Variants in VTI1A observed in about 807,000 individuals in gnomAD.
VTI1A encodes the protein vesicle transport through interaction with t-SNAREs 1A, also known as vesicle transport through interaction with t-SNAREs homolog 1A.
VTI1A carries 22 observed loss-of-function variants against 34.9 expected under a neutral mutation model. That is an observed-to-expected ratio of 0.63 (90% CI 0.45 to 0.90). The LOEUF (loss-of-function observed/expected upper bound fraction) is 0.90. VTI1A is among the 40% of genes least tolerant of loss of function. VTI1A has a pLI of 0.00. For synonymous variants in VTI1A, 87 were observed against 97.3 expected (o/e 0.89, Z 0.62); for missense variants, 268 against 275.6 (o/e 0.97, Z 0.20).
rs560550183 is a variant in VTI1A, at chr10:112,564,437, ACTT to A, written c.427+26111_427+26113del. 2.2e-3 allele frequency among the ~76,000 whole-genome samples: 320 copies of A among 148,274 alleles called. 7 individuals are homozygous for A. Among genetic ancestry groups the A allele is most frequent in the Admixed American group, 0.016 (240 of 15,154 alleles). On this transcript the variant is annotated intron_variant, in intron 5 of 7. Transcript: ENST00000393077. ...CAGACTTCTACTGTGTGATTGAAGT[ACTT>A]CTTTAAAAAAAAAAAAACACTCATA...
intron 7 of VTI1A, among the ~76,000 whole-genome samples, chr10:112,699,160 G>T (rs1400953439): frequency 6.6e-6 from 1 of 152,218 alleles, no homozygotes; most frequent in Non-Finnish European, 1.5e-5. Context: ...TTTCAGCATA[G>T]ATGGCAGTTA....
At chr10:112,515,249 C>T (rs190508886) in intron 3 of VTI1A, among the ~76,000 whole-genome samples, 2 of 151,894 alleles carry the variant, frequency 1.3e-5, no homozygotes, top group East Asian at 3.9e-4. Context: ...TATAAAAGAT[C>T]AGAATGAAGA....
intron 5 of VTI1A, among the ~76,000 whole-genome samples, chr10:112,613,784 A>G (rs977239329): frequency 6.6e-6 from 1 of 152,232 alleles, no homozygotes; most frequent in African/African-American, 2.4e-5. Flanking sequence ...TTGCCATGCC[A>G]GGCCAGGGCA....
chr10:112,642,364 CT>C (rs1484997093), intron 5 of VTI1A, among the ~76,000 whole-genome samples: 8 of 152,304 alleles, frequency 5.3e-5, no homozygotes, highest in Admixed American at 2.0e-4. Context: ...TGATCCCCCC[CT>C]CTCCATCAGT....
At chr10:112,774,476 C>A (rs532974739) in intron 7 of VTI1A, among the ~76,000 whole-genome samples, 7 of 152,176 alleles carry the variant, frequency 4.6e-5, no homozygotes, top group Non-Finnish European at 5.9e-5. Flanking sequence ...AGAAGGTGAA[C>A]TCTGAGTCTG....
intron 5 of VTI1A, among the ~76,000 whole-genome samples, chr10:112,628,138 GTCTGTATAGA>G (rs1205254489): frequency 6.6e-6 from 1 of 152,066 alleles, no homozygotes; most frequent in Non-Finnish European, 1.5e-5. Flanking sequence ...CACCTCCAAG[GTCTGTATAGA>G]TAGATCTAAA....
intron 5 of VTI1A, among the ~76,000 whole-genome samples, chr10:112,610,025 T>C (rs1845232650): frequency 6.6e-6 from 1 of 151,338 alleles, no homozygotes; most frequent in Non-Finnish European, 1.5e-5. Context: ...GAAAAAAAAA[T>C]GTGGTAAACA....
intron 7 of VTI1A, among the ~76,000 whole-genome samples, chr10:112,683,994 G>C (rs1328317761): frequency 2.0e-5 from 3 of 151,186 alleles, no homozygotes; most frequent in Admixed American, 2.0e-4. Context: ...AGTGAGCTGA[G>C]ATCGTGCCAC....
chr10:112,484,129 G>C (rs1162528853), intron 3 of VTI1A, among the ~76,000 whole-genome samples: 3 of 152,206 alleles, frequency 2.0e-5, no homozygotes, highest in African/African-American at 7.2e-5. Flanking sequence ...GCAGCAGCAG[G>C]TACACTAGAT....
chr10:112,682,682 T>A (rs1848257161), intron 7 of VTI1A, among the ~76,000 whole-genome samples: 3 of 152,230 alleles, frequency 2.0e-5, no homozygotes. Context: ...GGATCCAGAC[T>A]AGATTCTGGA....
chr10:112,532,218 G>A (rs1028223213), intron 4 of VTI1A, among the ~76,000 whole-genome samples: 1 of 152,170 alleles, frequency 6.6e-6, no homozygotes, highest in African/African-American at 2.4e-5. Context: ...ACAGCGTTAA[G>A]CATTGAGATA....
chr10:112,670,748 G>A (rs959981576), intron 7 of VTI1A, among the ~76,000 whole-genome samples: 2 of 152,078 alleles, frequency 1.3e-5, no homozygotes, highest in African/African-American at 2.4e-5. Context: ...ATCTACATGG[G>A]GTTCTCTTTG....
At chr10:112,825,998 TGAC>T in the VTI1A span, 1 of 152,222 alleles carries the variant, frequency 6.6e-6, no homozygotes, top group Non-Finnish European at 1.5e-5. Flanking sequence ...TAAAACACCA[TGAC>T]AAATTGAAAG....
intron 7 of VTI1A, among the ~76,000 whole-genome samples, chr10:112,692,653 G>T (rs1848648712): frequency 6.6e-6 from 1 of 152,094 alleles, no homozygotes; most frequent in South Asian, 2.1e-4. Flanking sequence ...TTCTTCTTTA[G>T]CTTTATCGCA....
chr10:112,589,364 C>G (rs2134426464), intron 5 of VTI1A, among the ~76,000 whole-genome samples: 1 of 152,234 alleles, frequency 6.6e-6, no homozygotes, highest in African/African-American at 2.4e-5. Flanking sequence ...TCACTTGGCT[C>G]TCATTCTCTC....
At chr10:112,549,221 G>C (rs543487681) in intron 5 of VTI1A, among the ~76,000 whole-genome samples, 2 of 152,222 alleles carry the variant, frequency 1.3e-5, no homozygotes, top group Non-Finnish European at 2.9e-5. Context: ...TTCTGATTCT[G>C]TCCTATTGGT....
intron 5 of VTI1A, among the ~76,000 whole-genome samples, chr10:112,619,801 A>AT (rs1418999526): frequency 1.3e-5 from 2 of 152,094 alleles, no homozygotes; most frequent in Non-Finnish European, 2.9e-5. Context: ...AGTGGAACTG[A>AT]TTTGCTTGCC....
At chr10:112,707,785 AATTGGAAGATGATGT>A (rs1331884620) in intron 7 of VTI1A, among the ~76,000 whole-genome samples, 1 of 152,158 alleles carries the variant, frequency 6.6e-6, no homozygotes, top group Non-Finnish European at 1.5e-5. Flanking sequence ...TATTGTCCTA[AATTGGAAGATGATGT>A]ATTTTAACAT....
At chr10:112,849,772 C>T in the VTI1A span, among the ~76,000 whole-genome samples, 1 of 152,224 alleles carries the variant, frequency 6.6e-6, no homozygotes, top group Non-Finnish European at 1.5e-5. Flanking sequence ...CAGTCTGAGT[C>T]GCTGAATGCA....
Sources: allele counts gnomAD v4.1 joint callset (sites outside exome capture counted in the v4.1 genomes callset), GRCh38; gene constraint gnomAD v4.1.1; transcripts MANE v1.5; gene names NCBI Gene and HGNC (gene_info 2026-07-23, HGNC 2026-07-21).